The following SYT15B variants were observed in gnomAD, a reference collection of about 807,000 sequenced individuals.
The protein encoded by SYT15B is synaptotagmin-15.
the SYT15B span, among the ~76,000 whole-genome samples, chr10:47,754,941 CTCTT>C: frequency 2.1e-5 from 1 of 48,130 alleles, no homozygotes; most frequent in African/African-American, 6.3e-5. Context: ...ATTGCTTAAC[CTCTT>C]TCTTTTTCTT....
chr10:47,755,063 T>G, the SYT15B span, among the ~76,000 whole-genome samples: 1 of 147,990 alleles, frequency 6.8e-6, no homozygotes, highest in Non-Finnish European at 1.5e-5. Context: ...TTCAAGTGAT[T>G]CTTCTGCTTC....
chr10:47,761,102 G>GCACACACA, the SYT15B span, among the ~76,000 whole-genome samples: 207 of 145,312 alleles, frequency 1.4e-3, 2 homozygotes, highest in African/African-American at 4.9e-3. Context: ...ACACACACAC[G>GCACACACA]CACACACACA....
At chr10:47,755,436 T>C in the SYT15B span, among the ~76,000 whole-genome samples, 2 of 152,060 alleles carry the variant, frequency 1.3e-5, no homozygotes, top group African/African-American at 4.8e-5. Context: ...TTTGTATTTT[T>C]AGTAGAGACG....
chr10:47,748,288 G>A, the SYT15B span, among the ~76,000 whole-genome samples: 1 of 138,076 alleles, frequency 7.2e-6, no homozygotes, highest in African/African-American at 2.6e-5. Context: ...TCAGCTCACT[G>A]CAACCTCTGC....
the SYT15B span, among the ~76,000 whole-genome samples, chr10:47,756,970 C>G: frequency 7.5e-6 from 1 of 132,692 alleles, no homozygotes; most frequent in Non-Finnish European, 1.6e-5. Context: ...GGTATTGCGG[C>G]TGGGTTAGAA....
chr10:47,756,550 C>T, the SYT15B span, among the ~76,000 whole-genome samples: 194 of 143,000 alleles, frequency 1.4e-3, no homozygotes, highest in African/African-American at 4.7e-3. Context: ...CCCCCAGGCC[C>T]CCTGGGGCCC....
chr10:47,745,726 A>G, the SYT15B span, among the ~76,000 whole-genome samples: 1 of 136,166 alleles, frequency 7.3e-6, no homozygotes, highest in Non-Finnish European at 1.6e-5. Context: ...TCCAGGAAAC[A>G]TCAGCATGGT....
chr10:47,748,686 T>G, the SYT15B span, among the ~76,000 whole-genome samples: 1 of 152,140 alleles, frequency 6.6e-6, no homozygotes. Flanking sequence ...GGGGGGGATC[T>G]TGCTCTGTTG....
At chr10:47,745,743 C>T in the SYT15B span, among the ~76,000 whole-genome samples, 1 of 134,170 alleles carries the variant, frequency 7.5e-6, no homozygotes, top group African/African-American at 2.6e-5. Context: ...TGGTTCATTG[C>T]GTTGTCCACC....
At chr10:47,761,096 ACACACG>A in the SYT15B span, among the ~76,000 whole-genome samples, 1 of 72,416 alleles carries the variant, frequency 1.4e-5, no homozygotes, top group Non-Finnish European at 3.1e-5. Flanking sequence ...ACACACACAC[ACACACG>A]CACACACACA....
At chr10:47,747,963 A>AT in the SYT15B span, among the ~76,000 whole-genome samples, 3 of 152,006 alleles carry the variant, frequency 2.0e-5, no homozygotes, top group Non-Finnish European at 2.9e-5. Context: ...ATAGGACAGA[A>AT]TAAAAACTCT....
At chr10:47,763,471 A>C in the SYT15B span, 2 of 588,056 alleles carry the variant, frequency 3.4e-6, no homozygotes, top group African/African-American at 4.0e-5. Flanking sequence ...GCATGTAAAG[A>C]ACACTTAGAG....
the SYT15B span, chr10:47,762,839 C>T: frequency 3.1e-4 from 440 of 1,400,658 alleles, 14 homozygotes; most frequent in African/African-American, 5.4e-3. Flanking sequence ...GCAGTCCCGC[C>T]CCAGCCAGTC....
chr10:47,746,889 C>A, the SYT15B span, among the ~76,000 whole-genome samples: 12 of 112,882 alleles, frequency 1.1e-4, no homozygotes, highest in Admixed American at 3.9e-4. Context: ...ATCCCATTCC[C>A]TGTATAAAAT....
chr10:47,746,848 T>C, the SYT15B span, among the ~76,000 whole-genome samples: 1 of 97,746 alleles, frequency 1.0e-5, no homozygotes, highest in Non-Finnish European at 2.1e-5. Context: ...GTTCCCTCGT[T>C]GGCTTCACCA....
chr10:47,763,533 C>T, the SYT15B span: 1 of 709,622 alleles, frequency 1.4e-6, no homozygotes, highest in African/African-American at 2.0e-5. Flanking sequence ...GGATGGAGGC[C>T]AGCGTCGCCT....
At chr10:47,745,431 GA>G in the SYT15B span, among the ~76,000 whole-genome samples, 1 of 149,896 alleles carries the variant, frequency 6.7e-6, no homozygotes, top group Non-Finnish European at 1.5e-5. Context: ...GATGAGACTA[GA>G]AAGCAGAAAG....
chr10:47,748,727 G>T, the SYT15B span, among the ~76,000 whole-genome samples: 1 of 151,774 alleles, frequency 6.6e-6, no homozygotes, highest in Non-Finnish European at 1.5e-5. Context: ...CTGGGCTCAA[G>T]GGTGCTGGGA....
chr10:47,750,362 A>AT, the SYT15B span, among the ~76,000 whole-genome samples: 2 of 134,810 alleles, frequency 1.5e-5, no homozygotes, highest in South Asian at 5.2e-4. Context: ...TACTTATTTT[A>AT]TTTTTTTGTT....
Sources: gnomAD v4.1 joint callset for allele counts (sites outside exome capture counted in the v4.1 genomes callset) on GRCh38, gnomAD v4.1.1 for gene constraint, MANE v1.5 for transcripts, NCBI Gene and HGNC (gene_info 2026-07-23, HGNC 2026-07-21) for gene names.